The following KREMEN1 variants were observed in gnomAD, a reference collection of about 807,000 sequenced individuals.
KREMEN1 encodes kringle containing transmembrane protein 1, also known as kremen protein 1.
Under a neutral mutation model 46.5 loss-of-function variants are expected in KREMEN1, and 30 were observed. The observed-to-expected ratio is 0.65, with a 90% CI of 0.48 to 0.88. The LOEUF (loss-of-function observed/expected upper bound fraction) is 0.88, where lower values mean the gene tolerates loss of function less well. Among genes scored for constraint, KREMEN1 ranks in the 40% least tolerant of loss-of-function variants. The pLI is 0.00. For synonymous variants in KREMEN1, 214 were observed against 230.6 expected, an observed-to-expected ratio of 0.93 and a Z score of 0.65; for missense variants, 533 against 596.9, an observed-to-expected ratio of 0.89 and a Z score of 1.11.
intron 6 of KREMEN1, 96 bp from the exon 7 acceptor site, chr22:29,138,528 G>C: frequency 7.9e-7 from 1 of 1,269,844 alleles, no homozygotes; most frequent in Non-Finnish European, 1.1e-6. Context: ...AATTGAATCA[G>C]AGAAGAACTC....
At position 29,105,463 on chromosome 22, in the gene KREMEN1, G is replaced by A. The variant is rs868624993; in HGVS notation, c.352+6510G>A. ...TGCATGTGCATGAGCGTGCGTGTGC[G>A]CACACACACACACATACACACACAC... On this transcript the variant is annotated intron_variant, in intron 3 of 8. Transcript: ENST00000400335. 6.2e-5 allele frequency among the ~76,000 whole-genome samples: 7 copies of A among 112,880 alleles called. No individual in the cohort carries two copies. In the East Asian group the frequency reaches 1.3e-3, roughly 21 times the overall value. The allele number at this position is 112,880 out of a possible 152,430, so 74.1% of individuals were successfully genotyped here.
downstream of KREMEN1, among the ~76,000 whole-genome samples, chr22:29,148,563 C>G (rs1017004949): frequency 2.0e-5 from 3 of 151,852 alleles, no homozygotes; most frequent in Admixed American, 6.6e-5. Flanking sequence ...AAGCGATTCT[C>G]CTGCCTCAGC....
intron 3 of KREMEN1, 68 bp from the exon 4 acceptor site, chr22:29,121,289 T>A: frequency 6.3e-7 from 1 of 1,587,606 alleles, no homozygotes; most frequent in Non-Finnish European, 8.6e-7. Flanking sequence ...CTGGCACAAA[T>A]CGCTTTTCCT....
exon 10 of KREMEN1, chr22:29,168,033 T>A (rs1373517961): frequency 1.3e-5 from 2 of 152,186 alleles, no homozygotes; most frequent in Non-Finnish European, 2.9e-5. Context: ...CAGTATGAAA[T>A]AAGAATAAGC....
intron 8 of KREMEN1, among the ~76,000 whole-genome samples, chr22:29,140,705 A>G (rs529745370): frequency 8.5e-5 from 13 of 152,238 alleles, no homozygotes; most frequent in Non-Finnish European, 1.8e-4. Flanking sequence ...TGCCGTGCAT[A>G]CTTCCTGATG....
chr22:29,158,900 C>A (rs1045319996), intron 9 of KREMEN1, among the ~76,000 whole-genome samples: 2 of 151,738 alleles, frequency 1.3e-5, no homozygotes, highest in Admixed American at 6.6e-5. Flanking sequence ...CTCGCTGCAA[C>A]CTCCGCCTCC....
intron 3 of KREMEN1, among the ~76,000 whole-genome samples, chr22:29,118,850 C>T (rs767639822): frequency 8.5e-5 from 13 of 152,174 alleles, no homozygotes; most frequent in Non-Finnish European, 1.9e-4. Context: ...AGTTTCCAGA[C>T]ACCACCTGGG....
intron 3 of KREMEN1, among the ~76,000 whole-genome samples, chr22:29,115,684 C>T (rs2038227300): frequency 6.6e-6 from 1 of 152,102 alleles, no homozygotes; most frequent in South Asian, 2.1e-4. Context: ...TGCTGTAGGA[C>T]TACACAGCAG....
chr22:29,120,055 C>CAG (rs1355049564), intron 3 of KREMEN1, among the ~76,000 whole-genome samples: 4 of 111,398 alleles, frequency 3.6e-5, no homozygotes, highest in African/African-American at 7.6e-5. Context: ...ATGATGGAAA[C>CAG]AGGGAGGAGG....
chr22:29,150,923 C>G (rs2038910149), downstream of KREMEN1, among the ~76,000 whole-genome samples: 1 of 152,198 alleles, frequency 6.6e-6, no homozygotes, highest in South Asian at 2.1e-4. Context: ...TCGGACTCAG[C>G]CTGGGACCAC....
chr22:29,085,723 C>T (rs2037718319), intron 1 of KREMEN1, among the ~76,000 whole-genome samples: 1 of 152,094 alleles, frequency 6.6e-6, no homozygotes, highest in East Asian at 1.9e-4. Flanking sequence ...GCCTGTAATC[C>T]TAGCACTTTG....
downstream of KREMEN1, among the ~76,000 whole-genome samples, chr22:29,148,064 T>C (rs1338394946): frequency 6.6e-6 from 1 of 152,198 alleles, no homozygotes; most frequent in Non-Finnish European, 1.5e-5. Context: ...CTCCGGTACC[T>C]GACATGGGTG....
At chr22:29,097,300 A>G (rs2037896997) in intron 2 of KREMEN1, among the ~76,000 whole-genome samples, 2 of 152,378 alleles carry the variant, frequency 1.3e-5, no homozygotes, top group African/African-American at 4.8e-5. Flanking sequence ...CATTTTATTT[A>G]TCTGCTTCAG....
At chr22:29,079,381 A>G (rs2037620543) in intron 1 of KREMEN1, among the ~76,000 whole-genome samples, 1 of 152,228 alleles carries the variant, frequency 6.6e-6, no homozygotes, top group Admixed American at 6.5e-5. Context: ...TTTATACAAC[A>G]GGGCCCTCTC....
chr22:29,104,850 C>T (rs1175222904), intron 3 of KREMEN1, among the ~76,000 whole-genome samples: 2 of 152,044 alleles, frequency 1.3e-5, no homozygotes, highest in South Asian at 2.1e-4. Flanking sequence ...GCTGAGATGG[C>T]GCCATTGCAC....
intron 9 of KREMEN1, among the ~76,000 whole-genome samples, chr22:29,158,021 G>A (rs2038978619): frequency 6.6e-6 from 1 of 152,172 alleles, no homozygotes; most frequent in Non-Finnish European, 1.5e-5. Context: ...CAGTGGGCCA[G>A]GAGTTGTGTA....
rs1333971583 is a variant in KREMEN1 at position 29,143,957 on chromosome 22, T to TA, written c.*1845_*1846insA. On this transcript the variant is annotated 3_prime_UTR_variant, in exon 9 of 9. Coordinates refer to ENST00000400335, the MANE Select transcript of KREMEN1 (RefSeq NM_001039570.3). Reference sequence around the variant, plus strand: ...TCCTCCAAGGAGCTCCTCCTAAGATTGAGTGCTGCAGCTGTAGTGGCTGCT... The same window carrying TA: ...TCCTCCAAGGAGCTCCTCCTAAGATTAGAGTGCTGCAGCTGTAGTGGCTGCT... 1 of 985,270 alleles carries TA rather than the reference T, an allele frequency of 1.0e-6. No individual in the cohort carries two copies. Among genetic ancestry groups the TA allele is most frequent in the African/African-American group, 1.7e-5 (1 of 57,224 alleles). 61.0% of individuals were successfully genotyped at this position (985,270 alleles called of 1,614,324 possible). A position where few individuals can be genotyped will look rare whatever the true frequency, so the allele number is the denominator to read the frequency against.
At chr22:29,139,694 G>GC (rs2038730461) in intron 7 of KREMEN1, among the ~76,000 whole-genome samples, 1 of 152,224 alleles carries the variant, frequency 6.6e-6, no homozygotes, top group African/African-American at 2.4e-5. Flanking sequence ...GATTGCTTGA[G>GC]CCCAGGAGCT....
intron 2 of KREMEN1, among the ~76,000 whole-genome samples, chr22:29,098,642 T>G (rs1240761199): frequency 6.6e-6 from 1 of 152,212 alleles, no homozygotes; most frequent in Non-Finnish European, 1.5e-5. Flanking sequence ...TTACCTTTAC[T>G]CACTTCCCCC....
Sources: gnomAD v4.1 joint callset for allele counts (sites outside exome capture counted in the v4.1 genomes callset) on GRCh38, gnomAD v4.1.1 for gene constraint, MANE v1.5 for transcripts, NCBI Gene and HGNC (gene_info 2026-07-23, HGNC 2026-07-21) for gene names.